Variants in VEGFB observed in about 807,000 individuals in gnomAD.
The protein encoded by VEGFB is VEGF-related factor.
In VEGFB, 24 loss-of-function variants were observed where a neutral mutation model predicts 22.5. The ratio of observed to expected loss-of-function variants is 1.07; its 90% CI spans 0.77 to 1.50. VEGFB has a LOEUF of 1.50. VEGFB is among the 40% of genes most tolerant of loss of function. The probability of loss-of-function intolerance (pLI) is 0.00; values close to 1 mark genes in which losing one functional copy is unlikely to be tolerated. For missense variants in VEGFB, 327 were observed against 287.8 expected, an observed-to-expected ratio of 1.14 and a Z score of -0.99; for synonymous variants, 141 against 117.4, an observed-to-expected ratio of 1.20 and a Z score of -1.30.
Position 64,234,851 on chromosome 11 carries a change from C to T in VEGFB, c.18C>T (p.Arg6=). 1 of 1,283,532 alleles carries T rather than the reference C, an allele frequency of 7.8e-7. No individual in the cohort carries two copies. The highest frequency in any genetic ancestry group is 9.9e-7 in the Non-Finnish European group (1 of 1,011,328). The allele number at this position is 1,283,532 out of a possible 1,614,324, so 79.5% of individuals were successfully genotyped here. ...CGGGCACCATGAGCCCTCTGCTCCGCCGCCTGCTGCTCGCCGCACTCCTGC... is the reference window on the plus strand; with the variant it reads ...CGGGCACCATGAGCCCTCTGCTCCGTCGCCTGCTGCTCGCCGCACTCCTGC... MSPLL[R]RLLLAALLQL... The change falls in exon 1 of 7, where the codon CGC becomes CGT. Residue 6 remains arginine, a synonymous_variant. Coordinates refer to ENST00000309422, the MANE Select transcript of VEGFB (RefSeq NM_003377.5). This position sits in a 1 kb window ranked among gnomAD's most constrained non-coding sequence, Gnocchi z 5.3.
At position 64,237,239 on chromosome 11, in the gene VEGFB, C is replaced by T. The variant is rs755678458; in HGVS notation, c.410+17C>T. On this transcript the variant is annotated intron_variant, in intron 5 of 6. Transcript: ENST00000309422. The stretch of plus-strand genomic sequence containing the variant: ...GCCAGACAGGTGAGTCTTTTGGACT[C>T]CAGCTGAGTAGGGGTATGGGGAGTA... The T allele has an allele frequency of 5.0e-6, 8 of 1,607,500 alleles. No homozygotes were observed. The African/African-American group carries it at 6.7e-5, about 13-fold the overall frequency.
chr11:64,238,037 A>G, intron 6 of VEGFB: 1 of 512,808 alleles, frequency 2.0e-6, no homozygotes, highest in South Asian at 2.7e-5. Context: ...ATCTGCCCTT[A>G]CCTACGGGCT....
chr11:64,239,192 G>A lies in VEGFB; in HGVS notation c.*859G>A, dbSNP rs938884152. Among the ~76,000 whole-genome samples, 1 of 152,168 alleles carries A rather than the reference G, an allele frequency of 6.6e-6. No homozygotes were observed. Among genetic ancestry groups the A allele is most frequent in the African/African-American group, 2.4e-5 (1 of 41,444 alleles). ...GGAACAGAAGATTGCTGTGGTTGGC[G>A]TCCTCGGGCCCCAGAGAAGTTTGAG... On this transcript the variant is annotated 3_prime_UTR_variant, in exon 7 of 7. Transcript: ENST00000309422.
In VEGFB at chr11:64,237,445, C is replaced by G. The variant is rs1248790850; in HGVS notation, c.436C>G (p.Gln146Glu). 2 of 1,602,008 alleles carry G rather than the reference C, an allele frequency of 1.2e-6. No homozygotes were observed. The highest frequency in any genetic ancestry group is 2.7e-5 in the African/African-American group (2 of 74,670). Residue 146 changes from glutamine (Q) to glutamate (E), a missense_variant, in exon 6 of 7, where the codon CAG (glutamine) becomes GAG (glutamate). By Grantham distance (29) the Gln-to-Glu change is conservative. Coordinates refer to ENST00000309422, the MANE Select transcript of VEGFB (RefSeq NM_003377.5). ...GGCTGCCACTCCCCACCACCGTCCC[C>G]AGCCCCGTTCTGTTCCGGGCTGGGA... Reference protein sequence around the residue: ...DRAATPHHRPQPRSVPGWDSA... With the variant: ...DRAATPHHRPEPRSVPGWDSA...
Position 64,237,571 on chromosome 11 carries a change from C to T in VEGFB, c.562C>T (p.Pro188Ser), listed in dbSNP as rs766575771. The T allele has an allele frequency of 9.4e-6, 15 of 1,599,046 alleles. No homozygotes were observed. In the South Asian group the frequency reaches 9.9e-5, roughly 11 times the overall value. ...AAPSTTSALT[P>S]GPAAAAADAA... ...ACCCAGCACCACCAGCGCCCTGACC[C>T]CCGGACCTGCCGCTGCCGCTGCCGA... Residue 188 changes from proline (P) to serine (S), a missense_variant, in exon 6 of 7, where the codon CCC (proline) becomes TCC (serine). Coordinates refer to ENST00000309422, the MANE Select transcript of VEGFB (RefSeq NM_003377.5).
At chr11:64,236,379 C>G in intron 4 of VEGFB, 52 bp downstream of exon 4, 1 of 1,570,282 alleles carries the variant, frequency 6.4e-7, no homozygotes, top group East Asian at 2.2e-5. Flanking sequence ...TTGGGGGGTG[C>G]TGGGTATGGT....
intron 4 of VEGFB, 168 bp from the exon 5 acceptor site, chr11:64,237,019 G>A (rs1387613604): frequency 2.0e-6 from 1 of 496,666 alleles, no homozygotes; most frequent in African/African-American, 1.9e-5. Context: ...GGAGGCGGAG[G>A]TTGCAGTGAG....
chr11:64,236,414 T>C, intron 4 of VEGFB, 87 bp downstream of exon 4: 1 of 1,374,212 alleles, frequency 7.3e-7, no homozygotes, highest in Admixed American at 1.8e-5. Context: ...GGGACCAGGT[T>C]CCTAAGAGTA....
chr11:64,236,778 CA>C (rs1245078508), intron 4 of VEGFB, among the ~76,000 whole-genome samples: 4 of 133,478 alleles, frequency 3.0e-5, no homozygotes, highest in Non-Finnish European at 4.8e-5. Flanking sequence ...GGATCTGGGG[CA>C]ACAAAGTAGG....
Position 64,235,737 on chromosome 11 carries a change from G to C in VEGFB, c.104-76G>C, listed in dbSNP as rs988412661. The C allele has an allele frequency of 3.9e-6, 6 of 1,557,782 alleles. No homozygotes were observed. In the African/African-American group the frequency reaches 4.1e-5, roughly 11 times the overall value. ...CTAGTGGAGGGTGGCTGTGACTTGGGGACTGGGGAGGACAGATGCTGGGAG... is the reference window on the plus strand; with the variant it reads ...CTAGTGGAGGGTGGCTGTGACTTGGCGACTGGGGAGGACAGATGCTGGGAG... On this transcript the variant is annotated intron_variant, in intron 2 of 6. Transcript: ENST00000309422.
Position 64,237,239 on chromosome 11 carries a change from C to G in VEGFB, c.410+17C>G, listed in dbSNP as rs755678458. ...GCCAGACAGGTGAGTCTTTTGGACT[C>G]CAGCTGAGTAGGGGTATGGGGAGTA... On this transcript the variant is annotated intron_variant, in intron 5 of 6. Coordinates refer to ENST00000309422, the MANE Select transcript of VEGFB (RefSeq NM_003377.5). 30 of 1,607,502 alleles carry G rather than the reference C, an allele frequency of 1.9e-5. No homozygotes were observed. The highest frequency in any genetic ancestry group is 1.7e-4 in the Middle Eastern group (1 of 6,060).
rs1230844556 is a variant in VEGFB, at chr11:64,235,520, G to A, written c.103+20G>A. 1.9e-6 allele frequency: 3 copies of A among 1,613,424 alleles called. No individual in the cohort carries two copies. The highest frequency in any genetic ancestry group is 2.7e-5 in the African/African-American group (2 of 75,034). ...GGAAAGGTAATACTTACAAAAACTC[G>A]GCACTAGCCAGCACTAAGAGGGTTT... is the stretch of plus-strand genomic sequence containing the variant. On this transcript the variant is annotated intron_variant, in intron 2 of 6. Coordinates refer to ENST00000309422, the MANE Select transcript of VEGFB (RefSeq NM_003377.5).
rs755519631 is a variant in VEGFB at position 64,234,930 on chromosome 11, G to A, written c.60+37G>A. On this transcript the variant is annotated intron_variant, in intron 1 of 6. Coordinates refer to ENST00000309422, the MANE Select transcript of VEGFB (RefSeq NM_003377.5). This position sits in a 1 kb window ranked among gnomAD's most constrained non-coding sequence, Gnocchi z 5.3. The stretch of plus-strand genomic sequence containing the variant: ...CCGACAGCGCGCCCGCCCGCCCGCC[G>A]TGCCCTCTCTCAAGGTTGGCGGAAG... The A allele has an allele frequency of 5.5e-6, 7 of 1,271,708 alleles. No individual in the cohort carries two copies. In the South Asian group the frequency reaches 7.9e-5, roughly 14 times the overall value. 78.8% of individuals were successfully genotyped at this position (1,271,708 alleles called of 1,614,324 possible).
chr11:64,235,911 C>A lies in VEGFB; in HGVS notation c.202C>A (p.Leu68Met), dbSNP rs1032824570. Residue 68 changes from leucine (L) to methionine (M), a missense_variant, in exon 3 of 7, where the codon CTG becomes ATG. Physicochemically the swap from Leu to Met is conservative, Grantham distance 15 (BLOSUM62 2). Coordinates refer to ENST00000309422, the MANE Select transcript of VEGFB (RefSeq NM_003377.5). ...GCTCATGGGCACCGTGGCCAAACAG[C>A]TGGTGCCCAGCTGCGTGACTGTGCA... ...VELMGTVAKQ[L>M]VPSCVTVQRC... The A allele has an allele frequency of 6.2e-7, 1 of 1,613,604 alleles. No individual in the cohort carries two copies. Among genetic ancestry groups the A allele is most frequent in the African/African-American group, 1.3e-5 (1 of 74,944 alleles).
chr11:64,234,939 C>A lies in VEGFB; in HGVS notation c.60+46C>A. On this transcript the variant is annotated intron_variant, in intron 1 of 6. Transcript: ENST00000309422. The surrounding 1 kb of genome is among the most constrained non-coding windows in gnomAD (Gnocchi z 5.3). Reference sequence around the variant, plus strand: ...CGCCCGCCCGCCCGCCGTGCCCTCTCTCAAGGTTGGCGGAAGTGAGGAGGC... The same window carrying A: ...CGCCCGCCCGCCCGCCGTGCCCTCTATCAAGGTTGGCGGAAGTGAGGAGGC... 1 of 1,266,434 alleles carries A rather than the reference C, an allele frequency of 7.9e-7. No individual in the cohort carries two copies. The highest frequency in any genetic ancestry group is 1.0e-6 in the Non-Finnish European group (1 of 1,003,214). 78.4% of individuals were successfully genotyped at this position (1,266,434 alleles called of 1,614,324 possible). A position where few individuals can be genotyped will look rare whatever the true frequency, so the allele number is the denominator to read the frequency against.
rs1591083123 is a variant in VEGFB, at chr11:64,238,939, G to T, written c.*606G>T. On this transcript the variant is annotated 3_prime_UTR_variant, in exon 7 of 7. Transcript: ENST00000309422. ...GGCCCCACAGCAGATCCCAGGCAGG[G>T]CCAGAATTATGTATTCATCACTTTC... The T allele has an allele frequency of 6.2e-6, 1 of 161,308 alleles. No homozygotes were observed. Among genetic ancestry groups the T allele is most frequent in the East Asian group, 1.8e-4 (1 of 5,614 alleles). The allele number at this position is 161,308 out of a possible 1,614,324, so 10.0% of individuals were successfully genotyped here.
Position 64,235,961 on chromosome 11 carries a change from C to A in VEGFB, c.252C>A (p.Asp84Glu), listed in dbSNP as rs148746445. 6.2e-7 allele frequency: 1 copy of A among 1,610,312 alleles called. No homozygotes were observed. The highest frequency in any genetic ancestry group is 1.3e-5 in the African/African-American group (1 of 74,862). ...TVQRCGGCCP[D>E]DGLECVPTGQ... ...AGCGCTGTGGTGGCTGCTGCCCTGA[C>A]GATGGCCTGGAGTGTGTGCCCACTG... Residue 84 changes from aspartate to glutamate, a missense_variant, in exon 3 of 7, where the codon GAC becomes GAA. Asp to Glu is a conservative substitution (Grantham distance 45, BLOSUM62 2). Coordinates refer to ENST00000309422, the MANE Select transcript of VEGFB (RefSeq NM_003377.5).
Position 64,235,450 on chromosome 11 carries a change from T to C in VEGFB, c.61-8T>C. 1 of 1,613,674 alleles carries C rather than the reference T, an allele frequency of 6.2e-7. No homozygotes were observed. Among genetic ancestry groups the C allele is most frequent in the Non-Finnish European group, 8.5e-7 (1 of 1,179,902 alleles). On this transcript the variant is annotated splice_region_variant and splice_polypyrimidine_tract_variant and intron_variant, in intron 1 of 6. Coordinates refer to ENST00000309422, the MANE Select transcript of VEGFB (RefSeq NM_003377.5). The stretch of plus-strand genomic sequence containing the variant: ...GTACCTTGGGTACAGGTCTTTTCTC[T>C]CCCACAGGCCCCTGTCTCCCAGCCT...
chr11:64,237,127 G>GATAGATATATAT, intron 4 of VEGFB, 60 bp from the exon 5 acceptor site: 1 of 813,208 alleles, frequency 1.2e-6, no homozygotes, highest in East Asian at 3.2e-5. Context: ...GAGAGAGTAG[G>GATAGATATATAT]ATGCTGGGAT....
Sources: allele counts gnomAD v4.1 joint callset (sites outside exome capture counted in the v4.1 genomes callset), GRCh38; gene constraint gnomAD v4.1.1; non-coding constraint Gnocchi (gnomAD v3.1); transcripts MANE v1.5; gene names NCBI Gene and HGNC (gene_info 2026-07-23, HGNC 2026-07-21).